MYO5A: variants seen among roughly 807,000 people sequenced by gnomAD.
MYO5A encodes the protein myosin VA.
In MYO5A, 98 loss-of-function variants were observed where a neutral mutation model predicts 249.7. The observed-to-expected ratio is 0.39, with a 90% CI of 0.33 to 0.46. The LOEUF (loss-of-function observed/expected upper bound fraction) is 0.46. MYO5A is among the 20% of genes least tolerant of loss of function. The pLI is 0.98. For missense variants in MYO5A, 1,696 were observed against 2,308.8 expected (o/e 0.73, Z 5.44); for synonymous variants, 778 against 810.6 (o/e 0.96, Z 0.68).
intron 28 of MYO5A, among the ~76,000 whole-genome samples, chr15:52,349,580 T>G (rs905652231): frequency 2.0e-5 from 3 of 152,226 alleles, no homozygotes; most frequent in South Asian, 4.1e-4. Flanking sequence ...CTCTGTTAGC[T>G]GGACTGTTTT....
chr15:52,494,749 T>C (rs139493504), intron 1 of MYO5A, among the ~76,000 whole-genome samples: 135 of 152,272 alleles, frequency 8.9e-4, no homozygotes, highest in African/African-American at 3.1e-3. Flanking sequence ...CACTTTGGCC[T>C]CCCAAAGTGC....
chr15:52,410,474 G>T lies in MYO5A; in HGVS notation c.615C>A (p.Ser205=), dbSNP rs752408258. 1.9e-6 allele frequency: 3 copies of T among 1,611,646 alleles called. No homozygotes were observed. Reference sequence around the variant, plus strand: ...TCCTGGTTGTTTTAGCATTTCCAATGGACTAAAAAGCAAGGGAGAAAATAA... The same window carrying T: ...TCCTGGTTGTTTTAGCATTTCCAATTGACTAAAAAGCAAGGGAGAAAATAA... ...KVLASNPIME[S]IGNAKTTRND... is the part of the protein sequence containing the mutation. The change falls in exon 6 of 42, where the codon TCC becomes TCA. Residue 205 remains serine (S), a splice_region_variant and synonymous_variant. Coordinates refer to ENST00000399233, the MANE Select transcript of MYO5A (RefSeq NM_001382347.1).
intron 1 of MYO5A, 139 bp downstream of exon 1, chr15:52,528,641 C>G: frequency 1.0e-6 from 1 of 1,000,682 alleles, no homozygotes; most frequent in Non-Finnish European, 1.4e-6. Context: ...CTGGTAGGGC[C>G]GAGGGTTCTG....
chr15:52,377,862 T>C (rs2041506234), intron 18 of MYO5A, among the ~76,000 whole-genome samples: 1 of 152,182 alleles, frequency 6.6e-6, no homozygotes, highest in African/African-American at 2.4e-5. Flanking sequence ...TGAGCCACCA[T>C]GCTTGGCCAT....
intron 6 of MYO5A, 148 bp from the exon 7 acceptor site, chr15:52,408,288 T>TA (rs2043097411): frequency 4.9e-6 from 3 of 614,854 alleles, no homozygotes; most frequent in Middle Eastern, 4.3e-4. Context: ...TTCTGATTAT[T>TA]AAATCTTATG....
intron 1 of MYO5A, among the ~76,000 whole-genome samples, chr15:52,489,467 G>A (rs2076891591): frequency 6.6e-6 from 1 of 152,032 alleles, no homozygotes; most frequent in South Asian, 2.1e-4. Context: ...GGGAGGCGGA[G>A]GCAGGAGAAC....
intron 1 of MYO5A, among the ~76,000 whole-genome samples, chr15:52,441,392 G>A (rs1280393778): frequency 6.6e-6 from 1 of 152,138 alleles, no homozygotes; most frequent in East Asian, 1.9e-4. Flanking sequence ...ACTTCCATAT[G>A]CCCACCACTT....
chr15:52,393,079 C>A (rs1479032424), intron 11 of MYO5A, among the ~76,000 whole-genome samples: 1 of 152,192 alleles, frequency 6.6e-6, no homozygotes, highest in East Asian at 1.9e-4. Context: ...CACTGCCCAG[C>A]CAATGCAGCT....
At chr15:52,348,234 GA>G (rs1457344602) in intron 29 of MYO5A, among the ~76,000 whole-genome samples, 1 of 152,160 alleles carries the variant, frequency 6.6e-6, no homozygotes, top group Non-Finnish European at 1.5e-5. Flanking sequence ...TTAAGCCTGT[GA>G]CCAGAAGTTC....
At chr15:52,514,015 G>C (rs2077448903) in intron 1 of MYO5A, among the ~76,000 whole-genome samples, 1 of 152,224 alleles carries the variant, frequency 6.6e-6, no homozygotes, top group African/African-American at 2.4e-5. Flanking sequence ...AGGTGCCAAA[G>C]GGAGGGAGCA....
At chr15:52,389,507 C>T in intron 12 of MYO5A, 144 bp from the exon 13 acceptor site, 2 of 805,080 alleles carry the variant, frequency 2.5e-6, no homozygotes, top group Non-Finnish European at 3.8e-6. Flanking sequence ...TCATTCCTTC[C>T]ACATTTCATT....
At chr15:52,330,650 T>C in intron 34 of MYO5A, 151 bp from the exon 35 acceptor site, 1 of 933,780 alleles carries the variant, frequency 1.1e-6, no homozygotes, top group Non-Finnish European at 1.6e-6. Flanking sequence ...AATTTTTTTC[T>C]GTTAAAATTG....
chr15:52,392,055 C>A lies in MYO5A; in HGVS notation c.1417G>T (p.Glu473Ter). The A allele has an allele frequency of 1.2e-6, 2 of 1,611,252 alleles. No homozygotes were observed. The highest frequency in any genetic ancestry group is 2.2e-5 in the South Asian group (2 of 91,006). Residue 473 changes from glutamate (E) to a stop codon, truncating the protein, a stop_gained, in exon 12 of 42, where the codon GAG becomes TAG. Transcript: ENST00000399233. LOFTEE classifies it high-confidence loss of function. ...TGTTCCTTCATATATTCTTCTTGCT[C>A]CAATTTGAAGACATGCTGAAATGAA... is the stretch of plus-strand genomic sequence containing the variant. ...QQFNMHVFKLEQEEYMKEQIP... is the reference protein window; with the variant it reads ...QQFNMHVFKL
intron 1 of MYO5A, among the ~76,000 whole-genome samples, chr15:52,461,120 T>C (rs1184340395): frequency 6.6e-6 from 1 of 152,116 alleles, no homozygotes; most frequent in Non-Finnish European, 1.5e-5. Context: ...GCCTGTTTAA[T>C]TTTTGTATTT....
chr15:52,428,621 AAG>A (rs776199555), intron 2 of MYO5A, 52 bp from the exon 3 acceptor site: 17 of 1,588,768 alleles, frequency 1.1e-5, no homozygotes, highest in Non-Finnish European at 9.5e-6. Flanking sequence ...AGGACTGTGA[AAG>A]AGGCCCATGC....
chr15:52,335,104 A>G (rs2039053009), intron 34 of MYO5A, among the ~76,000 whole-genome samples: 2 of 152,262 alleles, frequency 1.3e-5, no homozygotes, highest in South Asian at 4.1e-4. Context: ...GTTTGAACCA[A>G]GCAAGAATTA....
chr15:52,373,763 G>T (rs914706505), intron 20 of MYO5A, among the ~76,000 whole-genome samples: 2 of 152,100 alleles, frequency 1.3e-5, no homozygotes, highest in Non-Finnish European at 2.9e-5. Flanking sequence ...CTAGTTTGGT[G>T]TATCTGAAAA....
At chr15:52,396,101 C>T (rs990222063) in intron 11 of MYO5A, among the ~76,000 whole-genome samples, 3 of 152,202 alleles carry the variant, frequency 2.0e-5, no homozygotes, top group African/African-American at 7.2e-5. Flanking sequence ...CCCAAATTTT[C>T]GTTATTATCA....
In MYO5A at chr15:52,434,543, T is replaced by C. The variant is rs142354793; in HGVS notation, c.28-1258A>G. 1.6e-3 allele frequency among the ~76,000 whole-genome samples: 244 copies of C among 152,252 alleles called. 1 individual carries two copies. Among genetic ancestry groups the C allele is most frequent in the African/African-American group, 5.6e-3 (233 of 41,542 alleles). On this transcript the variant is annotated intron_variant, in intron 1 of 41. Transcript: ENST00000399233. ...CTTAGCTCCTGTAGCCTCAACATCA[T>C]GAAAAAGGCATGGTAATCATCAGGG...
Sources: allele counts gnomAD v4.1 joint callset (sites outside exome capture counted in the v4.1 genomes callset), GRCh38; gene constraint gnomAD v4.1.1; transcripts MANE v1.5; gene names NCBI Gene and HGNC (gene_info 2026-07-23, HGNC 2026-07-21).